Variants in SYNDIG1 observed in about 807,000 individuals in gnomAD.
SYNDIG1 encodes synapse differentiation-inducing gene protein 1.
SYNDIG1 carries 9 observed loss-of-function variants against 19.4 expected under a neutral mutation model. The observed-to-expected ratio is 0.46, with a 90% CI of 0.28 to 0.81. SYNDIG1 has a LOEUF of 0.81. Ranked by LOEUF, SYNDIG1 falls within the 30% of genes least tolerant of loss-of-function variation. SYNDIG1 has a pLI of 0.12. For missense variants in SYNDIG1, 311 were observed against 343.3 expected (o/e 0.91, Z 0.74); for synonymous variants, 141 against 145.9 (o/e 0.97, Z 0.24).
chr20:24,607,562 A>G (rs2058776506), intron 3 of SYNDIG1, among the ~76,000 whole-genome samples: 1 of 127,502 alleles, frequency 7.8e-6, no homozygotes, highest in Non-Finnish European at 1.7e-5. Context: ...CCTGGCTGTG[A>G]CTTTTTCTCC....
intron 3 of SYNDIG1, among the ~76,000 whole-genome samples, chr20:24,659,598 A>T (rs1017116234): frequency 6.6e-6 from 1 of 152,238 alleles, no homozygotes; most frequent in Non-Finnish European, 1.5e-5. Flanking sequence ...GGCCCGGAAG[A>T]TGAATAGTGT....
chr20:24,636,037 T>A (rs1419920039), intron 3 of SYNDIG1, among the ~76,000 whole-genome samples: 1 of 152,248 alleles, frequency 6.6e-6, no homozygotes, highest in Non-Finnish European at 1.5e-5. Context: ...GACCCAGCTG[T>A]CTTTCCAACA....
At chr20:24,631,382 G>A (rs779853722) in intron 3 of SYNDIG1, among the ~76,000 whole-genome samples, 6 of 152,200 alleles carry the variant, frequency 3.9e-5, no homozygotes, top group African/African-American at 9.6e-5. Context: ...TCAGGACCGC[G>A]GAAGGGCCTC....
chr20:24,650,260 C>T (rs532820473), intron 3 of SYNDIG1, among the ~76,000 whole-genome samples: 1 of 152,238 alleles, frequency 6.6e-6, no homozygotes. Context: ...AGTGAACCAG[C>T]TAGAAAGCAG....
At chr20:24,512,875 A>C (rs6114752) in intron 1 of SYNDIG1, among the ~76,000 whole-genome samples, 115,787 of 152,110 alleles carry the variant, frequency 0.76, 44,490 homozygotes, top group African/African-American at 0.88. Context: ...GAGGCAAACC[A>C]TAGTAGGGGC....
At position 24,665,786 on chromosome 20, in the gene SYNDIG1, G is replaced by C. The variant is rs965719528; in HGVS notation, c.*282G>C. ...CTGGATGGATTCTGGTGGATGAATG[G>C]CAACGCGGCTCTCTGCAGCCTGCCA... On this transcript the variant is annotated 3_prime_UTR_variant, in exon 4 of 4. Coordinates refer to ENST00000376862, the MANE Select transcript of SYNDIG1 (RefSeq NM_024893.3). 2.3e-6 allele frequency: 1 copy of C among 440,722 alleles called. No individual in the cohort carries two copies. Among genetic ancestry groups the C allele is most frequent in the Non-Finnish European group, 4.0e-6 (1 of 253,032 alleles). 27.3% of individuals were successfully genotyped at this position (440,722 alleles called of 1,614,324 possible).
chr20:24,524,192 A>C (rs1370827650), intron 1 of SYNDIG1, among the ~76,000 whole-genome samples: 1 of 152,160 alleles, frequency 6.6e-6, no homozygotes, highest in South Asian at 2.1e-4. Flanking sequence ...TTGCCTGTCC[A>C]TGTGCATGGT....
intron 1 of SYNDIG1, among the ~76,000 whole-genome samples, chr20:24,483,527 G>C (rs1316875864): frequency 2.0e-5 from 3 of 152,172 alleles, no homozygotes; most frequent in African/African-American, 7.2e-5. Context: ...GCCAGTGTTT[G>C]CTCTTCCTGT....
chr20:24,615,843 C>T (rs1010814667), intron 3 of SYNDIG1, among the ~76,000 whole-genome samples: 3 of 150,732 alleles, frequency 2.0e-5, no homozygotes, highest in Non-Finnish European at 4.4e-5. Flanking sequence ...CCCCACCCGC[C>T]CCTCTCTGTA....
At chr20:24,547,917 G>A (rs1339803366) in intron 2 of SYNDIG1, among the ~76,000 whole-genome samples, 3 of 152,200 alleles carry the variant, frequency 2.0e-5, no homozygotes, top group Non-Finnish European at 4.4e-5. Context: ...ATGTTGAATG[G>A]CACTTACCTG....
At chr20:24,547,189 C>T (rs1297743363) in intron 2 of SYNDIG1, among the ~76,000 whole-genome samples, 1 of 152,194 alleles carries the variant, frequency 6.6e-6, no homozygotes, top group Non-Finnish European at 1.5e-5. Context: ...GAGCGGGGCT[C>T]CCTTGCTGGA....
At chr20:24,615,276 C>T (rs2058913371) in intron 3 of SYNDIG1, among the ~76,000 whole-genome samples, 1 of 152,198 alleles carries the variant, frequency 6.6e-6, no homozygotes, top group East Asian at 1.9e-4. Context: ...AGGGGTGTTA[C>T]TCCAATGTTG....
chr20:24,620,303 G>T (rs2059018382), intron 3 of SYNDIG1, among the ~76,000 whole-genome samples: 1 of 152,186 alleles, frequency 6.6e-6, no homozygotes, highest in African/African-American at 2.4e-5. Context: ...GTTTGTCTCT[G>T]CACCATGATG....
At chr20:24,483,339 A>G (rs957692376) in intron 1 of SYNDIG1, among the ~76,000 whole-genome samples, 2 of 152,118 alleles carry the variant, frequency 1.3e-5, no homozygotes, top group African/African-American at 4.8e-5. Flanking sequence ...TTCATTTCCT[A>G]TGTTATGTAC....
chr20:24,537,708 G>A (rs562112631), intron 1 of SYNDIG1, among the ~76,000 whole-genome samples: 1 of 152,298 alleles, frequency 6.6e-6, no homozygotes, highest in African/African-American at 2.4e-5. Flanking sequence ...CATCCCATGA[G>A]ACAGAGAGGT....
At chr20:24,500,800 C>T (rs779594289) in intron 1 of SYNDIG1, among the ~76,000 whole-genome samples, 2 of 152,136 alleles carry the variant, frequency 1.3e-5, no homozygotes, top group Non-Finnish European at 2.9e-5. Flanking sequence ...GAGGACACTG[C>T]AGAGTGTGGG....
intron 1 of SYNDIG1, among the ~76,000 whole-genome samples, chr20:24,470,210 C>T (rs1231107344): frequency 2.0e-5 from 3 of 152,184 alleles, no homozygotes; most frequent in Non-Finnish European, 4.4e-5. Context: ...CTCGGAGTGA[C>T]CCGAAGGAGA....
intron 3 of SYNDIG1, among the ~76,000 whole-genome samples, chr20:24,628,259 C>T (rs765909743): frequency 1.4e-4 from 21 of 152,202 alleles, no homozygotes; most frequent in Non-Finnish European, 2.8e-4. Context: ...GTTAAGTCGA[C>T]ACTCTTCTGA....
At chr20:24,572,609 G>C (rs1346619494) in intron 2 of SYNDIG1, among the ~76,000 whole-genome samples, 2 of 152,182 alleles carry the variant, frequency 1.3e-5, no homozygotes, top group African/African-American at 4.8e-5. Context: ...GGTGCCCTTG[G>C]GTGGAGGACA....
Sources: gnomAD v4.1 joint callset for allele counts (sites outside exome capture counted in the v4.1 genomes callset) on GRCh38, gnomAD v4.1.1 for gene constraint, MANE v1.5 for transcripts, NCBI Gene and HGNC (gene_info 2026-07-23, HGNC 2026-07-21) for gene names.